Variants in MYO3B observed in about 807,000 individuals in gnomAD.
MYO3B encodes the protein myosin IIIB, also known as myosin-IIIb.
Under a neutral mutation model 174.6 loss-of-function variants are expected in MYO3B, and 156 were observed. The ratio of observed to expected loss-of-function variants is 0.89; its 90% CI spans 0.78 to 1.02. The LOEUF is 1.02. Ranked by LOEUF, MYO3B falls within the 50% of genes least tolerant of loss-of-function variation. MYO3B has a pLI of 0.00. For missense variants in MYO3B, 1,632 were observed against 1,639.4 expected, an observed-to-expected ratio of 1.00 and a Z score of 0.08; for synonymous variants, 563 against 569.1, an observed-to-expected ratio of 0.99 and a Z score of 0.15.
intron 17 of MYO3B, 32 bp from the exon 18 acceptor site, chr2:170,401,449 A>G (rs746195706): frequency 6.9e-6 from 11 of 1,588,802 alleles, no homozygotes; most frequent in Non-Finnish European, 9.5e-6. Context: ...AGGTCTGGCT[A>G]CATTCTGTGT....
chr2:170,216,509 G>A (rs2092829940), intron 5 of MYO3B, among the ~76,000 whole-genome samples: 1 of 152,300 alleles, frequency 6.6e-6, no homozygotes, highest in Middle Eastern at 3.4e-3. Flanking sequence ...TTTTAATCCT[G>A]TGGACCTTTA....
chr2:170,539,049 C>T (rs1322482012), intron 30 of MYO3B, among the ~76,000 whole-genome samples: 1 of 152,180 alleles, frequency 6.6e-6, no homozygotes. Flanking sequence ...CCCAATTGTT[C>T]TAAGAATGTC....
intron 8 of MYO3B, among the ~76,000 whole-genome samples, chr2:170,353,280 T>A (rs2094091192): frequency 6.6e-6 from 1 of 152,122 alleles, no homozygotes; most frequent in East Asian, 1.9e-4. Flanking sequence ...CTTAAATTCA[T>A]GTTACCATGT....
At chr2:170,296,605 G>A (rs2093630270) in intron 7 of MYO3B, among the ~76,000 whole-genome samples, 1 of 152,154 alleles carries the variant, frequency 6.6e-6, no homozygotes, top group African/African-American at 2.4e-5. Context: ...TGGGTCATAA[G>A]CCCACTCTTT....
intron 7 of MYO3B, among the ~76,000 whole-genome samples, chr2:170,262,362 G>A (rs571654458): frequency 3.3e-5 from 5 of 152,298 alleles, no homozygotes; most frequent in Admixed American, 1.3e-4. Flanking sequence ...GCCATGCAGA[G>A]CCATTGGGTG....
At chr2:170,319,522 G>A (rs181454195) in intron 7 of MYO3B, among the ~76,000 whole-genome samples, 1 of 152,198 alleles carries the variant, frequency 6.6e-6, no homozygotes, top group Non-Finnish European at 1.5e-5. Context: ...AATTAACAGA[G>A]CTACAAAGAC....
At chr2:170,432,169 A>G (rs2094714770) in intron 22 of MYO3B, among the ~76,000 whole-genome samples, 1 of 152,212 alleles carries the variant, frequency 6.6e-6, no homozygotes, top group South Asian at 2.1e-4. Flanking sequence ...TAAGTTAACT[A>G]TAAAACTGCC....
At chr2:170,330,100 C>T (rs2093901429) in intron 7 of MYO3B, among the ~76,000 whole-genome samples, 1 of 152,202 alleles carries the variant, frequency 6.6e-6, no homozygotes, top group African/African-American at 2.4e-5. Context: ...CTAACACCCT[C>T]CTCCCCTAGT....
chr2:170,529,472 G>A (rs1339712859), intron 30 of MYO3B, among the ~76,000 whole-genome samples: 1 of 131,744 alleles, frequency 7.6e-6, no homozygotes. Flanking sequence ...CTTTCTTCTT[G>A]TCTCTCTCCT....
At chr2:170,392,899 A>G (rs533924179) in intron 16 of MYO3B, among the ~76,000 whole-genome samples, 181 of 152,152 alleles carry the variant, frequency 1.2e-3, no homozygotes, top group Non-Finnish European at 1.1e-3. Flanking sequence ...CAACCATTAA[A>G]GTGAACGGGG....
intron 7 of MYO3B, among the ~76,000 whole-genome samples, chr2:170,247,358 C>A (rs2093202808): frequency 6.6e-6 from 1 of 152,144 alleles, no homozygotes; most frequent in Admixed American, 6.5e-5. Flanking sequence ...GGAATATGAT[C>A]CGAAGAGCAG....
At chr2:170,562,766 T>TTA (rs1012273228) in intron 32 of MYO3B, among the ~76,000 whole-genome samples, 2 of 152,192 alleles carry the variant, frequency 1.3e-5, no homozygotes, top group African/African-American at 4.8e-5. Flanking sequence ...GTGATGCCTG[T>TTA]TATAACAGTT....
intron 7 of MYO3B, among the ~76,000 whole-genome samples, chr2:170,280,369 G>A (rs2093499120): frequency 6.6e-6 from 1 of 151,876 alleles, no homozygotes; most frequent in Admixed American, 6.6e-5. Context: ...ATTGACCTTG[G>A]TTAAATGTGT....
chr2:170,446,861 A>G (rs1024867863), intron 23 of MYO3B, among the ~76,000 whole-genome samples: 2 of 152,250 alleles, frequency 1.3e-5, no homozygotes, highest in African/African-American at 4.8e-5. Flanking sequence ...GAAGACCCAA[A>G]GAAACAGGGA....
At chr2:170,575,618 T>C (rs1692737732) in intron 32 of MYO3B, among the ~76,000 whole-genome samples, 1 of 152,244 alleles carries the variant, frequency 6.6e-6, no homozygotes, top group Non-Finnish European at 1.5e-5. Context: ...GGGCTGTCCC[T>C]AAACAGATAT....
chr2:170,329,458 G>A (rs1329322833), intron 7 of MYO3B, among the ~76,000 whole-genome samples: 1 of 151,436 alleles, frequency 6.6e-6, no homozygotes, highest in Non-Finnish European at 1.5e-5. Flanking sequence ...TTGGCTCACT[G>A]CAATCTCCAC....
chr2:170,392,729 A>G (rs946986291), intron 16 of MYO3B, among the ~76,000 whole-genome samples: 2 of 152,230 alleles, frequency 1.3e-5, no homozygotes, highest in African/African-American at 4.8e-5. Context: ...ATCAGAATAT[A>G]ATCATTTTAA....
intron 7 of MYO3B, among the ~76,000 whole-genome samples, chr2:170,243,302 T>C (rs930123232): frequency 1.3e-5 from 2 of 152,240 alleles, no homozygotes; most frequent in Admixed American, 6.5e-5. Context: ...AGGATAGCCT[T>C]GGCTAGGATG....
At chr2:170,264,791 A>G (rs1256223628) in intron 7 of MYO3B, among the ~76,000 whole-genome samples, 1 of 152,218 alleles carries the variant, frequency 6.6e-6, no homozygotes, top group Non-Finnish European at 1.5e-5. Flanking sequence ...TGGATTTGAC[A>G]TTTGAGAGAC....
Sources: gnomAD v4.1 joint callset for allele counts (sites outside exome capture counted in the v4.1 genomes callset) on GRCh38, gnomAD v4.1.1 for gene constraint, MANE v1.5 for transcripts, NCBI Gene and HGNC (gene_info 2026-07-23, HGNC 2026-07-21) for gene names.